The following PLCE1 variants were observed in gnomAD, a reference collection of about 807,000 sequenced individuals.
PLCE1 encodes phospholipase C epsilon 1.
In PLCE1, 119 loss-of-function variants were observed where a neutral mutation model predicts 242.8. The observed-to-expected ratio is 0.49, with a 90% CI of 0.42 to 0.57. The LOEUF (loss-of-function observed/expected upper bound fraction) is 0.57. Among genes scored for constraint, PLCE1 ranks in the 20% least tolerant of loss-of-function variants. The probability of loss-of-function intolerance (pLI) is 0.00; values close to 1 mark genes in which losing one functional copy is unlikely to be tolerated. For missense variants in PLCE1, 2,441 were observed against 2,788.8 expected (o/e 0.88, Z 2.81); for synonymous variants, 945 against 1,017.4 (o/e 0.93, Z 1.35).
At chr10:94,195,516 G>C (rs570369836) in intron 4 of PLCE1, among the ~76,000 whole-genome samples, 2 of 152,024 alleles carry the variant, frequency 1.3e-5, no homozygotes, top group Admixed American at 1.3e-4. Flanking sequence ...TTTTTAAGAG[G>C]AATGATATGA....
chr10:94,254,999 C>G lies in PLCE1; in HGVS notation c.3504C>G (p.Ile1168Met). ...PNLAAGTSSPIRPVSSPVLSS... is the reference protein window; with the variant it reads ...PNLAAGTSSPMRPVSSPVLSS... ...TGGCTGCCGGGACGTCATCTCCCAT[C>G]AGGCCAGTGTCCTCCCCTGTGCTGT... Residue 1168 changes from isoleucine to methionine, a missense_variant, in exon 11 of 33, where the codon ATC becomes ATG. Physicochemically the swap from Ile to Met is conservative, Grantham distance 10 (BLOSUM62 1). Around this residue, in one of 5 missense-constraint regions of PLCE1, gnomAD observed 1,004 missense variants for 1,322.7 expected, o/e 0.76. Coordinates refer to ENST00000371380, the MANE Select transcript of PLCE1 (RefSeq NM_016341.4). 9.3e-6 allele frequency: 15 copies of G among 1,614,172 alleles called. No individual in the cohort carries two copies. The highest frequency in any genetic ancestry group is 1.3e-5 in the Non-Finnish European group (15 of 1,180,014).
At chr10:94,115,101 C>T (rs2046081486) in intron 2 of PLCE1, among the ~76,000 whole-genome samples, 1 of 152,168 alleles carries the variant, frequency 6.6e-6, no homozygotes, top group Non-Finnish European at 1.5e-5. Flanking sequence ...ATGAACTCAT[C>T]ATTTTTTATG....
chr10:94,220,221 T>C (rs960738956), intron 4 of PLCE1, among the ~76,000 whole-genome samples: 104 of 148,478 alleles, frequency 7.0e-4, no homozygotes, highest in South Asian at 1.3e-3. Context: ...CACACACACA[T>C]ACACACACAC....
chr10:94,313,095 G>C (rs891091179), intron 27 of PLCE1, among the ~76,000 whole-genome samples, 159 bp from the exon 28 acceptor site: 1 of 151,740 alleles, frequency 6.6e-6, no homozygotes, highest in Non-Finnish European at 1.5e-5. Context: ...AATGACTGAG[G>C]AAGAGGTACC....
chr10:94,216,325 G>A (rs2137010038), intron 4 of PLCE1, among the ~76,000 whole-genome samples: 1 of 152,290 alleles, frequency 6.6e-6, no homozygotes, highest in South Asian at 2.1e-4. Context: ...GAGCTGAGGA[G>A]GGACACGTCA....
chr10:94,270,146 T>C (rs191733522), intron 17 of PLCE1, among the ~76,000 whole-genome samples: 1 of 152,318 alleles, frequency 6.6e-6, no homozygotes, highest in East Asian at 1.9e-4. Flanking sequence ...CAAGAAAGTA[T>C]TTTATGCTTA....
intron 2 of PLCE1, among the ~76,000 whole-genome samples, chr10:94,052,147 G>A (rs1478066540): frequency 6.6e-6 from 1 of 152,154 alleles, no homozygotes; most frequent in South Asian, 2.1e-4. Context: ...AGGGGAGAAT[G>A]CCCACATGGA....
intron 2 of PLCE1, among the ~76,000 whole-genome samples, chr10:94,032,825 C>T (rs1318555037): frequency 2.0e-5 from 3 of 151,898 alleles, no homozygotes; most frequent in South Asian, 2.1e-4. Flanking sequence ...TTTAAATTAA[C>T]CTGACAATTT....
chr10:94,091,657 CAG>C (rs1166995022), intron 2 of PLCE1, among the ~76,000 whole-genome samples: 1 of 151,964 alleles, frequency 6.6e-6, no homozygotes, highest in African/African-American at 2.4e-5. Flanking sequence ...AGTAAGAAGC[CAG>C]GGTCATGAAA....
intron 2 of PLCE1, among the ~76,000 whole-genome samples, chr10:94,112,686 C>T (rs2045992250): frequency 6.6e-6 from 1 of 152,094 alleles, no homozygotes; most frequent in Admixed American, 6.6e-5. Context: ...AGGGCTCAGG[C>T]CTCAGTATTT....
chr10:94,003,735 T>C (rs977055146), intron 1 of PLCE1, among the ~76,000 whole-genome samples: 1 of 152,148 alleles, frequency 6.6e-6, no homozygotes, highest in Non-Finnish European at 1.5e-5. Context: ...ATAAGGAGAA[T>C]GAAGTGCACA....
chr10:94,263,904 T>C lies in PLCE1; in HGVS notation c.4053+1172T>C, dbSNP rs143219439. ...GTAACTATTATAAGGAGTTGGTACA[T>C]AATTTTTTGTTGTTATTCTAGAACA... is the stretch of plus-strand genomic sequence containing the variant. On this transcript the variant is annotated intron_variant, in intron 14 of 32. Transcript: ENST00000371380. Among the ~76,000 whole-genome samples, 507 of 152,288 alleles carry C rather than the reference T, an allele frequency of 3.3e-3. 4 individuals carry two copies. Among genetic ancestry groups the C allele is most frequent in the African/African-American group, 0.012 (489 of 41,548 alleles).
intron 6 of PLCE1, chr10:94,235,634 C>A: frequency 1.5e-6 from 1 of 678,568 alleles, no homozygotes; most frequent in Non-Finnish European, 1.8e-6. Context: ...ATTGGCTAAT[C>A]TTCTCCTTAG....
chr10:94,098,760 GT>G (rs1157950311), intron 2 of PLCE1, among the ~76,000 whole-genome samples: 1 of 152,208 alleles, frequency 6.6e-6, no homozygotes, highest in Non-Finnish European at 1.5e-5. Context: ...TTGAGTTACT[GT>G]TTGAGGCTTA....
At chr10:94,234,460 T>A in intron 6 of PLCE1, 148 bp downstream of exon 6, 1 of 882,520 alleles carries the variant, frequency 1.1e-6, no homozygotes, top group Non-Finnish European at 1.8e-6. Flanking sequence ...CATAGATCCT[T>A]GGAAGTTCTG....
chr10:94,031,434 GC>G lies in PLCE1; in HGVS notation c.389del (p.Ala130ValfsTer7). Reference protein sequence around the residue: ...RQFYEMYNSVAEEDLCLETGI... With the variant: ...RQFYEMYNSVXEEDLCLETGI... ...ATTTTATGAAATGTACAACTCTGTT[GC>G]TGAGGAAGACTTGTGTTTAGAAACT... is the stretch of plus-strand genomic sequence containing the variant. On this transcript the variant is annotated frameshift_variant, in exon 2 of 33. Transcript: ENST00000371380. LOFTEE classifies it high-confidence loss of function. 6.2e-7 allele frequency: 1 copy of G among 1,613,722 alleles called. No homozygotes were observed. Among genetic ancestry groups the G allele is most frequent in the East Asian group, 2.2e-5 (1 of 44,874 alleles).
At position 94,321,885 on chromosome 10, in the gene PLCE1, T is replaced by G; in HGVS notation, c.6343-16T>G. 1 of 1,599,046 alleles carries G rather than the reference T, an allele frequency of 6.3e-7. No individual in the cohort carries two copies. The highest frequency in any genetic ancestry group is 8.6e-7 in the Non-Finnish European group (1 of 1,166,350). On this transcript the variant is annotated splice_polypyrimidine_tract_variant and intron_variant, in intron 29 of 32. Coordinates refer to ENST00000371380, the MANE Select transcript of PLCE1 (RefSeq NM_016341.4). The stretch of plus-strand genomic sequence containing the variant: ...TAAACCTATTATTTACTCACATTTT[T>G]TCTTTTTAAACATAGAACCTAGAAG...
chr10:94,187,649 G>T (rs768818269), intron 4 of PLCE1, among the ~76,000 whole-genome samples: 2 of 152,096 alleles, frequency 1.3e-5, no homozygotes, highest in Non-Finnish European at 2.9e-5. Context: ...GAAGGAGCAG[G>T]GAAAGAATGA....
intron 18 of PLCE1, among the ~76,000 whole-genome samples, chr10:94,272,086 G>GA (rs1332953508): frequency 6.6e-6 from 1 of 152,140 alleles, no homozygotes; most frequent in African/African-American, 2.4e-5. Flanking sequence ...CATATTAACA[G>GA]AAAACAGGGT....
Sources: allele counts gnomAD v4.1 joint callset (sites outside exome capture counted in the v4.1 genomes callset), GRCh38; gene constraint gnomAD v4.1.1; regional missense constraint gnomAD v4.1.1; transcripts MANE v1.5; gene names NCBI Gene and HGNC (gene_info 2026-07-23, HGNC 2026-07-21).